The following PSMB7 variants were observed in gnomAD, a reference collection of about 807,000 sequenced individuals.
PSMB7 encodes proteasome 20S subunit beta 7.
PSMB7 carries 5 observed loss-of-function variants against 28.1 expected under a neutral mutation model. That is an observed-to-expected ratio of 0.18 (90% CI 0.09 to 0.37). The LOEUF (loss-of-function observed/expected upper bound fraction) is 0.37. PSMB7 is among the 10% of genes least tolerant of loss of function. The probability of loss-of-function intolerance (pLI) is 1.00; values close to 1 mark genes in which losing one functional copy is unlikely to be tolerated. For synonymous variants in PSMB7, 122 were observed against 123.7 expected, an observed-to-expected ratio of 0.99 and a Z score of 0.09; for missense variants, 275 against 346.2, an observed-to-expected ratio of 0.79 and a Z score of 1.63.
chr9:124,402,098 G>A (rs536210926), intron 5 of PSMB7, among the ~76,000 whole-genome samples: 1 of 152,054 alleles, frequency 6.6e-6, no homozygotes, highest in East Asian at 1.9e-4. Context: ...ATTAAAATCA[G>A]ATGTTACTGA....
At chr9:124,380,016 G>T (rs1296922213) in intron 6 of PSMB7, among the ~76,000 whole-genome samples, 3 of 152,216 alleles carry the variant, frequency 2.0e-5, no homozygotes, top group Non-Finnish European at 4.4e-5. Flanking sequence ...TGGAGGAGAT[G>T]CCTCTGAAAA....
At chr9:124,362,865 T>G (rs1830476216) in intron 6 of PSMB7, among the ~76,000 whole-genome samples, 1 of 152,240 alleles carries the variant, frequency 6.6e-6, no homozygotes, top group Non-Finnish European at 1.5e-5. Flanking sequence ...TAATTAATTT[T>G]TTAAAAAGAA....
At chr9:124,384,516 G>C in intron 6 of PSMB7, 82 bp downstream of exon 6, 1 of 1,298,150 alleles carries the variant, frequency 7.7e-7, no homozygotes, top group Non-Finnish European at 1.1e-6. Context: ...AGCTCGGGAG[G>C]AATCAGCAAT....
In PSMB7 at chr9:124,412,556, G is replaced by A; in HGVS notation, c.255-64C>T. The A allele has an allele frequency of 5.8e-6, 9 of 1,560,742 alleles. No homozygotes were observed. The South Asian group carries it at 1.0e-4, about 18-fold the overall frequency. On this transcript the variant is annotated intron_variant, in intron 3 of 7. Transcript: ENST00000259457. The stretch of plus-strand genomic sequence containing the variant: ...ACCAGAGGGCTCAATTAGAAGTAAT[G>A]GGTTCTTGGATAACTTCCATGAAGT...
At chr9:124,357,773 C>CT (rs776526954) in intron 6 of PSMB7, among the ~76,000 whole-genome samples, 1 of 152,164 alleles carries the variant, frequency 6.6e-6, no homozygotes, top group Non-Finnish European at 1.5e-5. Context: ...TCCCTGCCCC[C>CT]TAGGGGCTTA....
At chr9:124,381,973 T>C (rs1022269033) in intron 6 of PSMB7, among the ~76,000 whole-genome samples, 1 of 151,860 alleles carries the variant, frequency 6.6e-6, no homozygotes, top group Non-Finnish European at 1.5e-5. Context: ...AATAAAGTGA[T>C]TTTCAGCCGG....
At chr9:124,354,991 A>AG (rs1830385968) in intron 7 of PSMB7, among the ~76,000 whole-genome samples, 1 of 152,262 alleles carries the variant, frequency 6.6e-6, no homozygotes, top group African/African-American at 2.4e-5. Context: ...GACAGGCAGC[A>AG]GGGACTTGCC....
At chr9:124,412,712 A>G (rs1831041500) in intron 3 of PSMB7, among the ~76,000 whole-genome samples, 1 of 152,250 alleles carries the variant, frequency 6.6e-6, no homozygotes, top group South Asian at 2.1e-4. Context: ...CCAATGGAAC[A>G]CATGAAATTA....
chr9:124,355,379 A>G (rs1298509403), intron 7 of PSMB7, among the ~76,000 whole-genome samples: 1 of 152,204 alleles, frequency 6.6e-6, no homozygotes. Context: ...CTCCCTGTGG[A>G]TGAGGACTCC....
chr9:124,398,416 G>A, intron 5 of PSMB7: 1 of 318,308 alleles, frequency 3.1e-6, no homozygotes. Context: ...ACAAAGCCCA[G>A]GCGAGTACAA....
intron 5 of PSMB7, among the ~76,000 whole-genome samples, chr9:124,398,261 G>A (rs1830861988): frequency 6.6e-6 from 1 of 151,530 alleles, no homozygotes; most frequent in Non-Finnish European, 1.5e-5. Context: ...GGGTAAAGAA[G>A]GCAGGGAGGG....
chr9:124,384,072 C>CAT (rs1284006768), intron 6 of PSMB7: 4 of 152,410 alleles, frequency 2.6e-5, no homozygotes, highest in African/African-American at 7.2e-5. Context: ...AAGAATCTCT[C>CAT]ATACATGTAT....
At chr9:124,388,544 A>G (rs968107449) in intron 5 of PSMB7, among the ~76,000 whole-genome samples, 1 of 152,220 alleles carries the variant, frequency 6.6e-6, no homozygotes, top group Middle Eastern at 3.2e-3. Flanking sequence ...CTTGTCTAGG[A>G]CTACAGGAAA....
intron 5 of PSMB7, among the ~76,000 whole-genome samples, chr9:124,397,162 C>G (rs1346913138): frequency 6.6e-6 from 1 of 152,206 alleles, no homozygotes; most frequent in Non-Finnish European, 1.5e-5. Context: ...AGTAACCTCT[C>G]TGAGCCTCAG....
intron 5 of PSMB7, among the ~76,000 whole-genome samples, chr9:124,390,608 A>G (rs1440018578): frequency 6.6e-6 from 1 of 152,190 alleles, no homozygotes; most frequent in Non-Finnish European, 1.5e-5. Flanking sequence ...ATTAACAGAC[A>G]TGCTTATGCA....
At chr9:124,395,682 C>A (rs1830833314) in intron 5 of PSMB7, among the ~76,000 whole-genome samples, 1 of 152,124 alleles carries the variant, frequency 6.6e-6, no homozygotes, top group Non-Finnish European at 1.5e-5. Context: ...ACCCCAATAA[C>A]CCTGTGACCT....
Position 124,415,434 on chromosome 9 carries a change from G to C in PSMB7, c.-9C>G. 1 of 1,614,040 alleles carries C rather than the reference G, an allele frequency of 6.2e-7. No individual in the cohort carries two copies. The highest frequency in any genetic ancestry group is 8.5e-7 in the Non-Finnish European group (1 of 1,179,924). On this transcript the variant is annotated 5_prime_UTR_variant, in exon 1 of 8. Transcript: ENST00000259457. ...ACCGACACAGCCGCCATCTTCCCAAGAAAGCAGTTCCGGGTCGGAGGCGGG... is the reference window on the plus strand; with the variant it reads ...ACCGACACAGCCGCCATCTTCCCAACAAAGCAGTTCCGGGTCGGAGGCGGG...
At chr9:124,381,837 GT>G (rs1830667901) in intron 6 of PSMB7, among the ~76,000 whole-genome samples, 1 of 152,148 alleles carries the variant, frequency 6.6e-6, no homozygotes, top group Non-Finnish European at 1.5e-5. Flanking sequence ...CACAATAAAT[GT>G]TTCCTACTAT....
Position 124,356,164 on chromosome 9 carries a change from G to C in PSMB7, c.722+600C>G, listed in dbSNP as rs73586237. On this transcript the variant is annotated intron_variant, in intron 7 of 7. Transcript: ENST00000259457. The surrounding 1 kb of genome is among the most constrained non-coding windows in gnomAD (Gnocchi z 4.4). The stretch of plus-strand genomic sequence containing the variant: ...CAAACGAGCTGCTCCTCTGACACAT[G>C]CTAGCCACCAGGTTTGGAAACCTCC... Among the ~76,000 whole-genome samples the C allele has an allele frequency of 3.2e-4, 48 of 152,290 alleles. No homozygotes were observed. The highest frequency in any genetic ancestry group is 1.1e-3 in the African/African-American group (47 of 41,552).
Sources: allele counts gnomAD v4.1 joint callset (sites outside exome capture counted in the v4.1 genomes callset), GRCh38; gene constraint gnomAD v4.1.1; non-coding constraint Gnocchi (gnomAD v3.1); transcripts MANE v1.5; gene names NCBI Gene and HGNC (gene_info 2026-07-23, HGNC 2026-07-21).